ASH1L: variants seen among roughly 807,000 people sequenced by gnomAD.
The protein encoded by ASH1L is histone-lysine N-methyltransferase ASH1L.
Under a neutral mutation model 269.0 loss-of-function variants are expected in ASH1L, and 23 were observed. That is an observed-to-expected ratio of 0.09 (90% CI 0.06 to 0.12). The LOEUF (loss-of-function observed/expected upper bound fraction) is 0.12, where lower values mean the gene tolerates loss of function less well. Ranked by LOEUF, ASH1L falls within the 10% of genes least tolerant of loss-of-function variation. The pLI is 1.00. For synonymous variants in ASH1L, 1,187 were observed against 1,253.5 expected (o/e 0.95, Z 1.12); for missense variants, 2,912 against 3,567.8 (o/e 0.82, Z 4.68).
intron 6 of ASH1L, among the ~76,000 whole-genome samples, chr1:155,411,939 T>C (rs1659846782): frequency 6.6e-6 from 1 of 151,804 alleles, no homozygotes; most frequent in Non-Finnish European, 1.5e-5. Context: ...CCTATGAAGC[T>C]TCCATAAAAA....
rs576721919 is a variant in ASH1L at position 155,541,611 on chromosome 1, T to C, written c.-99-19993A>G. 2.0e-5 allele frequency among the ~76,000 whole-genome samples: 3 copies of C among 152,250 alleles called. No homozygotes were observed. The South Asian group carries it at 6.2e-4, about 32-fold the overall frequency. On this transcript the variant is annotated intron_variant, in intron 1 of 27. Coordinates refer to ENST00000392403, the MANE Select transcript of ASH1L (RefSeq NM_018489.3). ...TTTACTCAACTATAGAACCCTTCAC[T>C]GAAAAGATGACAATCAGTAACCATT... is the stretch of plus-strand genomic sequence containing the variant.
At chr1:155,527,043 C>T (rs1407827824) in intron 1 of ASH1L, among the ~76,000 whole-genome samples, 3 of 152,062 alleles carry the variant, frequency 2.0e-5, no homozygotes, top group Non-Finnish European at 4.4e-5. Flanking sequence ...CCCATCTCTA[C>T]CAAAAATATA....
rs775831287 is a variant in ASH1L at position 155,521,634 on chromosome 1, T to C, written c.-99-16A>G. ...GCATCTTTCTCTGCAGAACAGATCA[T>C]AACAAAAATTTATCAGAAAAGAGGC... On this transcript the variant is annotated splice_polypyrimidine_tract_variant and intron_variant, in intron 1 of 27. Transcript: ENST00000392403. 574 of 994,670 alleles carry C rather than the reference T, an allele frequency of 5.8e-4. 5 individuals carry two copies. The highest frequency in any genetic ancestry group is 9.0e-4 in the South Asian group (52 of 57,792). 61.6% of individuals were successfully genotyped at this position (994,670 alleles called of 1,614,324 possible). A position where few individuals can be genotyped will look rare whatever the true frequency, so the allele number is the denominator to read the frequency against.
intron 6 of ASH1L, among the ~76,000 whole-genome samples, chr1:155,413,339 CTCACGCCTGTAA>C (rs1659950386): frequency 6.6e-6 from 1 of 152,030 alleles, no homozygotes; most frequent in Non-Finnish European, 1.5e-5. Flanking sequence ...GGCATGGTGG[CTCACGCCTGTAA>C]TCCTAGCACT....
chr1:155,424,431 GA>G (rs1167615272), intron 5 of ASH1L, among the ~76,000 whole-genome samples: 1 of 151,296 alleles, frequency 6.6e-6, no homozygotes, highest in Non-Finnish European at 1.5e-5. Context: ...TTTTGAGACA[GA>G]GTTTCGCTCT....
chr1:155,551,028 C>T (rs561632520), intron 1 of ASH1L, among the ~76,000 whole-genome samples: 1 of 152,144 alleles, frequency 6.6e-6, no homozygotes, highest in East Asian at 1.9e-4. Context: ...CACTATGTTG[C>T]CCAGGCGGTC....
intron 1 of ASH1L, among the ~76,000 whole-genome samples, chr1:155,531,365 C>T (rs1558198263): frequency 6.8e-6 from 1 of 146,220 alleles, no homozygotes; most frequent in Non-Finnish European, 1.5e-5. Flanking sequence ...CCAAAGAATT[C>T]TTTTTTTTTT....
intron 2 of ASH1L, among the ~76,000 whole-genome samples, chr1:155,513,092 A>G (rs1668273275): frequency 1.3e-5 from 2 of 152,014 alleles, no homozygotes; most frequent in African/African-American, 4.8e-5. Context: ...ATAATAATAA[A>G]TTATAAATAT....
chr1:155,344,313 A>C (rs1388017755), intron 21 of ASH1L, 40 bp from the exon 22 acceptor site: 1 of 1,451,914 alleles, frequency 6.9e-7, no homozygotes, highest in East Asian at 2.3e-5. Context: ...GGCTGGAATT[A>C]CTACATTCAG....
intron 5 of ASH1L, among the ~76,000 whole-genome samples, chr1:155,426,008 C>G (rs1373486391): frequency 2.0e-5 from 3 of 151,978 alleles, no homozygotes; most frequent in Admixed American, 6.6e-5. Context: ...CCTGCCTCAG[C>G]CTCCCAAGTA....
intron 17 of ASH1L, among the ~76,000 whole-genome samples, chr1:155,352,489 G>A (rs1654019985): frequency 6.6e-6 from 1 of 151,384 alleles, no homozygotes; most frequent in African/African-American, 2.4e-5. Context: ...AAGATAATCA[G>A]GAGACAGAAA....
intron 7 of ASH1L, among the ~76,000 whole-genome samples, chr1:155,381,208 A>G (rs937053630): frequency 6.6e-6 from 1 of 152,192 alleles, no homozygotes. Flanking sequence ...CTGGTTTTAT[A>G]ATTAATATAC....
intron 1 of ASH1L, among the ~76,000 whole-genome samples, chr1:155,560,016 A>G (rs901192602): frequency 1.3e-5 from 2 of 152,214 alleles, no homozygotes; most frequent in Admixed American, 1.3e-4. Flanking sequence ...TACTGCAGAA[A>G]TAAGTTTGCA....
intron 4 of ASH1L, among the ~76,000 whole-genome samples, chr1:155,454,388 T>C (rs1052895583): frequency 6.6e-6 from 1 of 152,236 alleles, no homozygotes; most frequent in Non-Finnish European, 1.5e-5. Context: ...GGCATATGTA[T>C]GATGTCTTTT....
At chr1:155,349,628 T>G in intron 17 of ASH1L, 32 bp from the exon 18 acceptor site, 3 of 1,607,436 alleles carry the variant, frequency 1.9e-6, no homozygotes, top group Non-Finnish European at 1.7e-6. Context: ...AGTAGAAAGA[T>G]TCCACCATAC....
intron 6 of ASH1L, among the ~76,000 whole-genome samples, chr1:155,403,886 A>C (rs1011324990): frequency 1.3e-5 from 2 of 150,408 alleles, no homozygotes; most frequent in African/African-American, 4.9e-5. Context: ...GGCCGTTCCT[A>C]CCATTAAAAA....
At chr1:155,529,349 ATCTTTT>A (rs1305839380) in intron 1 of ASH1L, among the ~76,000 whole-genome samples, 2 of 117,244 alleles carry the variant, frequency 1.7e-5, no homozygotes, top group Non-Finnish European at 3.8e-5. Context: ...CCTTGCCAGC[ATCTTTT>A]TTTTTTTTTT....
rs1300936772 is a variant in ASH1L at position 155,433,957 on chromosome 1, G to C, written c.5828+4370C>G. 39 of 1,581,078 alleles carry C rather than the reference G, an allele frequency of 2.5e-5. No individual in the cohort carries two copies. In the East Asian group the frequency reaches 9.0e-4, roughly 36 times the overall value. On this transcript the variant is annotated intron_variant, in intron 5 of 27. Transcript: ENST00000392403. The stretch of plus-strand genomic sequence containing the variant: ...AGTGCCCGAAACCCACACTGCAGCA[G>C]ATCAGCCACATCGCCCAGCAGCTTG...
intron 5 of ASH1L, among the ~76,000 whole-genome samples, chr1:155,422,407 T>C (rs1180941080): frequency 7.0e-6 from 1 of 142,270 alleles, no homozygotes; most frequent in Non-Finnish European, 1.5e-5. Flanking sequence ...GCCACCAGGG[T>C]CTGCTAATTT....
Sources: allele counts gnomAD v4.1 joint callset (sites outside exome capture counted in the v4.1 genomes callset), GRCh38; gene constraint gnomAD v4.1.1; transcripts MANE v1.5; gene names NCBI Gene and HGNC (gene_info 2026-07-23, HGNC 2026-07-21).